Variants in ERBB4 observed in about 807,000 individuals in gnomAD.
ERBB4 encodes erb-b2 receptor tyrosine kinase 4.
Under a neutral mutation model 158.0 loss-of-function variants are expected in ERBB4, and 42 were observed. The observed-to-expected ratio is 0.27, with a 90% CI of 0.21 to 0.34. ERBB4 has a LOEUF of 0.34. Ranked by LOEUF, ERBB4 falls within the 10% of genes least tolerant of loss-of-function variation. The pLI, the probability that ERBB4 is intolerant of heterozygous loss-of-function variation, is 1.00. For missense variants in ERBB4, 1,333 were observed against 1,624.1 expected (o/e 0.82, Z 3.08); for synonymous variants, 583 against 558.7 (o/e 1.04, Z -0.61).
At chr2:212,280,685 T>G (rs147877291) in intron 1 of ERBB4, among the ~76,000 whole-genome samples, 1 of 151,630 alleles carries the variant, frequency 6.6e-6, no homozygotes, top group African/African-American at 2.4e-5. Flanking sequence ...TTATTCACAC[T>G]GAAGTAGATT....
At chr2:211,452,267 T>C (rs1179310025) in intron 20 of ERBB4, among the ~76,000 whole-genome samples, 4 of 152,124 alleles carry the variant, frequency 2.6e-5, no homozygotes, top group Non-Finnish European at 4.4e-5. Flanking sequence ...AACCTCTGCC[T>C]CCCGGGTTCA....
intron 3 of ERBB4, among the ~76,000 whole-genome samples, chr2:211,855,079 CT>C (rs1457379791): frequency 4.3e-5 from 4 of 94,112 alleles, no homozygotes; most frequent in Non-Finnish European, 7.3e-5. Flanking sequence ...CTTTAATTTG[CT>C]TTTTTTTCTG....
At chr2:211,391,536 G>A (rs188141498) in intron 25 of ERBB4, among the ~76,000 whole-genome samples, 2 of 152,010 alleles carry the variant, frequency 1.3e-5, no homozygotes, top group Non-Finnish European at 1.5e-5. Flanking sequence ...TGTTCCTGGT[G>A]GGGGGGTTTG....
At chr2:211,808,715 G>A (rs1372251280) in intron 3 of ERBB4, among the ~76,000 whole-genome samples, 1 of 152,064 alleles carries the variant, frequency 6.6e-6, no homozygotes, top group Non-Finnish European at 1.5e-5. Flanking sequence ...AAATCACTTC[G>A]GGCAGTATGG....
intron 1 of ERBB4, among the ~76,000 whole-genome samples, chr2:212,398,624 C>T (rs563453665): frequency 6.6e-6 from 1 of 152,154 alleles, no homozygotes; most frequent in South Asian, 2.1e-4. Context: ...ATAGACAGAG[C>T]TAATTACTTA....
intron 19 of ERBB4, among the ~76,000 whole-genome samples, chr2:211,615,634 T>C (rs1175094792): frequency 1.3e-5 from 2 of 152,090 alleles, no homozygotes; most frequent in African/African-American, 4.8e-5. Flanking sequence ...TAGCATTTAA[T>C]AGAACACAAA....
chr2:211,756,898 T>C (rs1282152757), intron 4 of ERBB4, among the ~76,000 whole-genome samples: 1 of 152,240 alleles, frequency 6.6e-6, no homozygotes, highest in African/African-American at 2.4e-5. Context: ...CAGTCTCTCA[T>C]GTCTTAGAGT....
chr2:211,494,539 G>A (rs934995687), intron 20 of ERBB4, among the ~76,000 whole-genome samples: 5 of 152,094 alleles, frequency 3.3e-5, no homozygotes, highest in Non-Finnish European at 5.9e-5. Context: ...CTGTAACTGA[G>A]TTCTAGGCAG....
At chr2:212,479,087 C>T (rs948662321) in intron 1 of ERBB4, among the ~76,000 whole-genome samples, 1 of 152,174 alleles carries the variant, frequency 6.6e-6, no homozygotes, top group African/African-American at 2.4e-5. Context: ...CTATTAAAAT[C>T]TGGAACCAGA....
intron 19 of ERBB4, among the ~76,000 whole-genome samples, chr2:211,568,950 C>T (rs2067633947): frequency 6.6e-6 from 1 of 152,180 alleles, no homozygotes; most frequent in South Asian, 2.1e-4. Flanking sequence ...TCTGTTCCTT[C>T]ATGTCTAGAA....
intron 20 of ERBB4, among the ~76,000 whole-genome samples, chr2:211,539,469 TCCTTA>T (rs1167053974): frequency 1.3e-5 from 2 of 152,018 alleles, no homozygotes; most frequent in Admixed American, 6.6e-5. Context: ...GTGCAACCCT[TCCTTA>T]CCTAAGTATT....
intron 16 of ERBB4, among the ~76,000 whole-genome samples, chr2:211,638,029 T>C (rs943579204): frequency 1.1e-4 from 16 of 152,126 alleles, no homozygotes; most frequent in Non-Finnish European, 2.2e-4. Flanking sequence ...TATCATTTTA[T>C]CTGTATTGCT....
intron 1 of ERBB4, among the ~76,000 whole-genome samples, chr2:212,320,318 CT>C (rs34188818): frequency 2.8e-5 from 4 of 144,354 alleles, no homozygotes; most frequent in South Asian, 2.2e-4. Context: ...CAAGTACAGT[CT>C]TTTTTTTTTA....
chr2:211,862,204 C>T (rs1418880185), intron 3 of ERBB4, among the ~76,000 whole-genome samples: 1 of 152,072 alleles, frequency 6.6e-6, no homozygotes, highest in Non-Finnish European at 1.5e-5. Context: ...AGCTAGAACT[C>T]AAATTTTCCA....
intron 17 of ERBB4, among the ~76,000 whole-genome samples, chr2:211,628,216 G>C (rs970485691): frequency 1.7e-5 from 1 of 58,558 alleles, no homozygotes; most frequent in Non-Finnish European, 7.1e-5. Flanking sequence ...TGTGCACAAC[G>C]TGCAGGTTAG....
rs371300679 is a variant in ERBB4 at position 211,940,175 on chromosome 2, A to G, written c.421+7255T>C. The stretch of plus-strand genomic sequence containing the variant: ...AGAATTTTTCAATACTTTGCAGTTC[A>G]GGGTCTGAAAGCCAGATGAAGCTAA... On this transcript the variant is annotated intron_variant, in intron 3 of 27. Transcript: ENST00000342788. Among the ~76,000 whole-genome samples the G allele has an allele frequency of 8.7e-4, 133 of 152,214 alleles. 3 individuals carry two copies. In the South Asian group the frequency reaches 0.024, roughly 28 times the overall value.
At chr2:212,089,216 A>G (rs2078702898) in intron 2 of ERBB4, among the ~76,000 whole-genome samples, 2 of 152,176 alleles carry the variant, frequency 1.3e-5, no homozygotes, top group Admixed American at 6.6e-5. Context: ...TTCATAATAT[A>G]TAAGCTTAAT....
rs145757794 is a variant in ERBB4, at chr2:211,936,859, A to G, written c.421+10571T>C. 4.4e-3 allele frequency among the ~76,000 whole-genome samples: 673 copies of G among 152,270 alleles called. 5 individuals are homozygous for G. The highest frequency in any genetic ancestry group is 0.015 in the African/African-American group (643 of 41,582). ...TTATTATGCCAAAAAGTGTTGGGCC[A>G]TGCAAATTCTCATTTATCTATTTCC... On this transcript the variant is annotated intron_variant, in intron 3 of 27. Coordinates refer to ENST00000342788, the MANE Select transcript of ERBB4 (RefSeq NM_005235.3).
chr2:211,692,446 A>G (rs1009400702), intron 12 of ERBB4, among the ~76,000 whole-genome samples: 1 of 152,148 alleles, frequency 6.6e-6, no homozygotes, highest in Non-Finnish European at 1.5e-5. Flanking sequence ...TTGCTTAAAA[A>G]CACCTACATT....
Sources: allele counts gnomAD v4.1 joint callset (sites outside exome capture counted in the v4.1 genomes callset), GRCh38; gene constraint gnomAD v4.1.1; transcripts MANE v1.5; gene names NCBI Gene and HGNC (gene_info 2026-07-23, HGNC 2026-07-21).